The following DNAH8 variants were observed in gnomAD, a reference collection of about 807,000 sequenced individuals.
DNAH8 encodes axonemal beta dynein heavy chain 8.
Under a neutral mutation model 562.1 loss-of-function variants are expected in DNAH8, and 382 were observed. The observed-to-expected ratio is 0.68, with a 90% CI of 0.63 to 0.74. The LOEUF (loss-of-function observed/expected upper bound fraction) is 0.74. Among genes scored for constraint, DNAH8 ranks in the 30% least tolerant of loss-of-function variants. DNAH8 has a pLI of 0.00. For missense variants in DNAH8, 5,203 were observed against 5,620.4 expected, an observed-to-expected ratio of 0.93 and a Z score of 2.37; for synonymous variants, 1,881 against 1,919.4, an observed-to-expected ratio of 0.98 and a Z score of 0.52.
rs777613343 is a variant in DNAH8, at chr6:38,872,628, G to GCAAA, written c.7086_7089dup (p.Glu2364AsnfsTer8). The GCAAA allele has an allele frequency of 1.9e-6, 3 of 1,614,076 alleles. No homozygotes were observed. In the East Asian group the frequency reaches 6.7e-5, roughly 36 times the overall value. ...CCGTTATCACGATTCTAATGAAGGC[G>GCAAA]CAAACAGAATGCGGAAGGCCTCATA... On this transcript the variant is annotated frameshift_variant, in exon 50 of 93. Coordinates refer to ENST00000327475, the MANE Select transcript of DNAH8 (RefSeq NM_001206927.2). LOFTEE classifies it high-confidence loss of function.
intron 18 of DNAH8, 87 bp from the exon 19 acceptor site, chr6:38,789,716 A>G (rs1343672142): frequency 6.2e-6 from 6 of 966,460 alleles, no homozygotes; most frequent in African/African-American, 4.9e-5. Context: ...GGAAACTGGG[A>G]TTATGAAACC....
At position 38,780,011 on chromosome 6, in the gene DNAH8, C is replaced by T. The variant is rs201894505; in HGVS notation, c.2085C>T (p.His695=). The change falls in exon 15 of 93, where the codon CAC becomes CAT. Residue 695 remains histidine (H), a synonymous_variant. Transcript: ENST00000327475. ...NIPCLGLEIN[H]TIERILQYYV... ...CCTGTCTGGGATTAGAAATAAACCACACAATAGAGCGTATTCTTCAGTACT... is the reference window on the plus strand; with the variant it reads ...CCTGTCTGGGATTAGAAATAAACCATACAATAGAGCGTATTCTTCAGTACT... 8 of 1,613,960 alleles carry T rather than the reference C, an allele frequency of 5.0e-6. No homozygotes were observed. The highest frequency in any genetic ancestry group is 1.7e-5 in the Admixed American group (1 of 59,994).
chr6:38,887,867 A>C, intron 57 of DNAH8, among the ~76,000 whole-genome samples: 1 of 106,026 alleles, frequency 9.4e-6, no homozygotes, highest in African/African-American at 3.8e-5. Flanking sequence ...ATGGAGTGTC[A>C]CTCTTGTCAC....
chr6:39,012,757 A>C, intron 91 of DNAH8, 120 bp downstream of exon 91: 1 of 693,126 alleles, frequency 1.4e-6, no homozygotes, highest in Non-Finnish European at 2.5e-6. Context: ...GGTGCTGCAC[A>C]TAGCCATTCA....
chr6:38,769,874 A>T (rs1021219906), intron 11 of DNAH8, among the ~76,000 whole-genome samples: 1 of 152,244 alleles, frequency 6.6e-6, no homozygotes. Context: ...AGGAAATGTT[A>T]GCTTGACATA....
At chr6:38,871,836 C>T (rs1000748092) in intron 49 of DNAH8, among the ~76,000 whole-genome samples, 1 of 152,168 alleles carries the variant, frequency 6.6e-6, no homozygotes, top group Non-Finnish European at 1.5e-5. Flanking sequence ...TTCCCATCCA[C>T]CCCCAAACAA....
chr6:38,819,218 C>T (rs1772591035), intron 26 of DNAH8, among the ~76,000 whole-genome samples: 1 of 152,100 alleles, frequency 6.6e-6, no homozygotes, highest in Non-Finnish European at 1.5e-5. Flanking sequence ...GCTTACTGCT[C>T]AGCTTTTAAA....
At position 38,832,258 on chromosome 6, in the gene DNAH8, ATTGT is replaced by A. The variant is rs1482574185; in HGVS notation, c.4189-63_4189-60del. 1.7e-3 allele frequency: 1,642 copies of A among 963,394 alleles called. 1 individual carries two copies. Among genetic ancestry groups the A allele is most frequent in the Non-Finnish European group, 2.4e-3 (1,476 of 605,780 alleles). The allele number at this position is 963,394 out of a possible 1,614,324, so 59.7% of individuals were successfully genotyped here. A position where few individuals can be genotyped will look rare whatever the true frequency, so the allele number is the denominator to read the frequency against. ...TGTGAGATACACTTGTTGGAATAGA[ATTGT>A]AATTTTTGTTTTTAATATGTTACTT... is the stretch of plus-strand genomic sequence containing the variant. On this transcript the variant is annotated intron_variant, in intron 30 of 92. Coordinates refer to ENST00000327475, the MANE Select transcript of DNAH8 (RefSeq NM_001206927.2).
At chr6:38,732,103 T>C (rs1763702106) in intron 4 of DNAH8, among the ~76,000 whole-genome samples, 3 of 152,356 alleles carry the variant, frequency 2.0e-5, no homozygotes, top group South Asian at 4.1e-4. Context: ...TATTCTTGAC[T>C]TGGTGTTTGC....
In DNAH8 at chr6:38,850,311, G is replaced by A; in HGVS notation, c.5260G>A (p.Glu1754Lys). The change falls in exon 38 of 93, where the codon GAG (glutamate) becomes AAG (lysine). Residue 1754 changes from glutamate (E) to lysine (K), a missense_variant. Physicochemically the swap from Glu to Lys is moderately conservative, Grantham distance 56. Transcript: ENST00000327475. ...SWIKIMQRAH[E>K]NPNVINCCVG... Reference sequence around the variant, plus strand: ...GATAAAAATAATGCAGCGAGCTCATGAGAATCCCAATGTGATTAATTGCTG... The same window carrying A: ...GATAAAAATAATGCAGCGAGCTCATAAGAATCCCAATGTGATTAATTGCTG... The A allele has an allele frequency of 6.2e-7, 1 of 1,613,712 alleles. No homozygotes were observed. Among genetic ancestry groups the A allele is most frequent in the Non-Finnish European group, 8.5e-7 (1 of 1,179,712 alleles).
At position 38,896,199 on chromosome 6, in the gene DNAH8, T is replaced by C; in HGVS notation, c.8914T>C (p.Phe2972Leu). 2.5e-6 allele frequency: 4 copies of C among 1,613,900 alleles called. No homozygotes were observed. Among genetic ancestry groups the C allele is most frequent in the Non-Finnish European group, 3.4e-6 (4 of 1,179,930 alleles). Residue 2972 changes from phenylalanine to leucine, a missense_variant, in exon 60 of 93, where the codon TTT becomes CTT. By Grantham distance (22) the Phe-to-Leu change is conservative. Coordinates refer to ENST00000327475, the MANE Select transcript of DNAH8 (RefSeq NM_001206927.2). ...PTGDEPEDSV[F>L]EVPKIYELMP... ...TGGTGATGAACCTGAAGACTCTGTG[T>C]TTGAAGTACCCAAAATATATGAATT...
chr6:38,802,835 G>A (rs1770901238), intron 21 of DNAH8, among the ~76,000 whole-genome samples: 1 of 152,160 alleles, frequency 6.6e-6, no homozygotes, highest in Admixed American at 6.5e-5. Context: ...GTCTTCTTTT[G>A]AAACCACATC....
chr6:38,945,022 C>G (rs1209348045), intron 79 of DNAH8, among the ~76,000 whole-genome samples: 1 of 151,986 alleles, frequency 6.6e-6, no homozygotes, highest in Non-Finnish European at 1.5e-5. Context: ...AACCCCAACC[C>G]TAACCCATCC....
At chr6:39,029,224 G>A (rs1450363878) in intron 92 of DNAH8, among the ~76,000 whole-genome samples, 3 of 151,916 alleles carry the variant, frequency 2.0e-5, no homozygotes, top group Non-Finnish European at 4.4e-5. Flanking sequence ...TTTCCGGCTC[G>A]CCCTGCCTTT....
intron 24 of DNAH8, among the ~76,000 whole-genome samples, chr6:38,813,382 A>G (rs1459580169): frequency 6.6e-6 from 1 of 151,918 alleles, no homozygotes. Context: ...TGTGGCCTCT[A>G]TGTTTCTTGT....
intron 48 of DNAH8, among the ~76,000 whole-genome samples, chr6:38,869,336 G>A (rs1777290980): frequency 6.6e-6 from 1 of 152,032 alleles, no homozygotes; most frequent in South Asian, 2.1e-4. Flanking sequence ...CAAATCCACT[G>A]CTCCTGCCAG....
At chr6:38,849,951 C>G (rs560951302) in intron 37 of DNAH8, among the ~76,000 whole-genome samples, 1 of 152,180 alleles carries the variant, frequency 6.6e-6, no homozygotes, top group Admixed American at 6.5e-5. Flanking sequence ...TAGATTGGAA[C>G]TTTAAGTTGA....
chr6:38,899,890 C>T lies in DNAH8; in HGVS notation c.9178C>T (p.Gln3060Ter), dbSNP rs778136677. 6.2e-7 allele frequency: 1 copy of T among 1,600,944 alleles called. No individual in the cohort carries two copies. ...TTTTATTGCTGGCTATCAAATATTC[C>T]AGATAACATTAACCAGGTAGGATGA... is the stretch of plus-strand genomic sequence containing the variant. Reference protein sequence around the residue: ...ASFIAGYQIFQITLTRSYNVT... With the variant: ...ASFIAGYQIF Residue 3060 changes from glutamine to a stop codon, truncating the protein, a stop_gained, in exon 62 of 93, where the codon CAG (glutamine) becomes TAG (stop). Coordinates refer to ENST00000327475, the MANE Select transcript of DNAH8 (RefSeq NM_001206927.2). LOFTEE classifies it high-confidence loss of function.
Position 38,790,292 on chromosome 6 carries a change from G to A in DNAH8, c.2668G>A (p.Glu890Lys), listed in dbSNP as rs145862170. The change falls in exon 20 of 93, where the codon GAA (glutamate) becomes AAA (lysine). Residue 890 changes from glutamate to lysine, a missense_variant. Physicochemically the swap from Glu to Lys is moderately conservative, Grantham distance 56. Transcript: ENST00000327475. ...NLMTPKMKKVESVLRQGLTVL... is the reference protein window; with the variant it reads ...NLMTPKMKKVKSVLRQGLTVL... ...GTTGTGTTTTTACCGTTTCTAGGTG[G>A]AATCTGTGTTGAGGCAAGGACTCAC... 6.3e-7 allele frequency: 1 copy of A among 1,587,520 alleles called. No homozygotes were observed. Among genetic ancestry groups the A allele is most frequent in the African/African-American group, 1.3e-5 (1 of 74,158 alleles).
Sources: allele counts gnomAD v4.1 joint callset (sites outside exome capture counted in the v4.1 genomes callset), GRCh38; gene constraint gnomAD v4.1.1; transcripts MANE v1.5; gene names NCBI Gene and HGNC (gene_info 2026-07-23, HGNC 2026-07-21).